FHL2: variants seen among roughly 807,000 people sequenced by gnomAD.
FHL2 encodes the protein four and a half LIM domains 2.
In FHL2, 20 loss-of-function variants were observed where a neutral mutation model predicts 32.7. The ratio of observed to expected loss-of-function variants is 0.61; its 90% CI spans 0.43 to 0.89. FHL2 has a LOEUF of 0.89. FHL2 is among the 40% of genes least tolerant of loss of function. FHL2 has a pLI of 0.00. For synonymous variants in FHL2, 123 were observed against 128.1 expected (o/e 0.96, Z 0.27); for missense variants, 311 against 358.6 (o/e 0.87, Z 1.07).
At chr2:105,358,463 C>G (rs1680099687), downstream of FHL2, 1 of 152,420 alleles carries the variant, frequency 6.6e-6, no homozygotes, top group Non-Finnish European at 1.5e-5. Context: ...GGGGCAAAGC[C>G]CTAGACTGGT....
chr2:105,402,664 G>A (rs985962948), upstream of FHL2, among the ~76,000 whole-genome samples: 1 of 152,024 alleles, frequency 6.6e-6, no homozygotes, highest in Non-Finnish European at 1.5e-5. Flanking sequence ...ATTGAGGAGG[G>A]GAATGCAATT....
chr2:105,422,894 C>A (rs953157924), intron 1 of FHL2, among the ~76,000 whole-genome samples: 2 of 152,178 alleles, frequency 1.3e-5, no homozygotes, highest in Admixed American at 1.3e-4. Context: ...AGACACTGTA[C>A]CTCTCAGATA....
At chr2:105,407,981 A>G (rs1683687863) in intron 1 of FHL2, among the ~76,000 whole-genome samples, 1 of 152,208 alleles carries the variant, frequency 6.6e-6, no homozygotes, top group South Asian at 2.1e-4. Flanking sequence ...TGCTTTAAAA[A>G]ATTTCTGTCT....
At position 105,397,010 on chromosome 2, in the gene FHL2, G is replaced by GTTTTT. The variant is rs35576785; in HGVS notation, c.-75-318_-75-314dup. The GTTTTT allele has an allele frequency of 3.2e-3, 345 of 108,596 alleles. 4 individuals carry two copies. The highest frequency in any genetic ancestry group is 8.1e-3 in the South Asian group (27 of 3,336). 6.7% of individuals were successfully genotyped at this position (108,596 alleles called of 1,614,324 possible). On this transcript the variant is annotated intron_variant, in intron 1 of 6. Coordinates refer to ENST00000530340, the MANE Select transcript of FHL2 (RefSeq NM_001318895.3). Reference sequence around the variant, plus strand: ...GTAAACTACTCCTGATATCTAGTCTGTTTTTTTTTTTTTTTTTTTTTGGCA... The same window carrying GTTTTT: ...GTAAACTACTCCTGATATCTAGTCTGTTTTTTTTTTTTTTTTTTTTTTTTTTGGCA...
downstream of FHL2, chr2:105,358,090 ACTT>A (rs1318664622): frequency 3.3e-5 from 5 of 152,098 alleles, no homozygotes; most frequent in African/African-American, 1.2e-4. Flanking sequence ...TCTGTGTTAA[ACTT>A]CTGGCTGGTC....
At chr2:105,402,018 C>T (rs539663928), upstream of FHL2, among the ~76,000 whole-genome samples, 26 of 148,826 alleles carry the variant, frequency 1.7e-4, no homozygotes, top group South Asian at 4.2e-4. Context: ...TACATATATA[C>T]GTATATATAC....
intron 1 of FHL2, among the ~76,000 whole-genome samples, chr2:105,405,746 T>A (rs1683609728): frequency 6.6e-6 from 1 of 152,190 alleles, no homozygotes. Context: ...ATAGTCTAAC[T>A]AGAAAGAGCC....
At chr2:105,407,747 C>G (rs1178990967) in intron 1 of FHL2, among the ~76,000 whole-genome samples, 1 of 152,100 alleles carries the variant, frequency 6.6e-6, no homozygotes, top group African/African-American at 2.4e-5. Context: ...TCTCAGAGTC[C>G]AGCTTTTCTT....
rs577941306 is a variant in FHL2 at position 105,384,744 on chromosome 2, T to C, written c.156+1617A>G. On this transcript the variant is annotated intron_variant, in intron 3 of 6. Coordinates refer to ENST00000530340, the MANE Select transcript of FHL2 (RefSeq NM_001318895.3). ...GCTGGTCTCGAACTCCCGGCCTCAATTGATTCACCCGCCTTGGCCTCCCAA... is the reference window on the plus strand; with the variant it reads ...GCTGGTCTCGAACTCCCGGCCTCAACTGATTCACCCGCCTTGGCCTCCCAA... Among the ~76,000 whole-genome samples, 7 of 152,332 alleles carry C rather than the reference T, an allele frequency of 4.6e-5. No homozygotes were observed. In the South Asian group the frequency reaches 6.2e-4, roughly 14 times the overall value.
At chr2:105,387,133 G>T (rs1457519440) in intron 2 of FHL2, among the ~76,000 whole-genome samples, 2 of 152,154 alleles carry the variant, frequency 1.3e-5, no homozygotes, top group South Asian at 2.1e-4. Flanking sequence ...AGTTTTAAAT[G>T]CAGGTAAGGG....
intron 4 of FHL2, among the ~76,000 whole-genome samples, chr2:105,371,554 CTCTCTCTCTCT>C (rs1681068252): frequency 7.7e-6 from 1 of 129,598 alleles, no homozygotes; most frequent in Admixed American, 7.5e-5. Context: ...AAATCTCTCT[CTCTCTCTCTCT>C]CTCTCTCTCT....
At chr2:105,364,777 ATAT>A (rs1311118750) in intron 5 of FHL2, among the ~76,000 whole-genome samples, 6 of 152,174 alleles carry the variant, frequency 3.9e-5, no homozygotes, top group Non-Finnish European at 5.9e-5. Context: ...AGTAGGAAAG[ATAT>A]TATCTTAATT....
In FHL2 at chr2:105,363,302, C is replaced by A. The variant is rs727504994; in HGVS notation, c.671G>T (p.Cys224Phe). ...ACACTCACCGCTGATGGGGTTGGTG[C>A]ACCCAGCACACTTCTTGGCATACAA... ...CDLYAKKCAG[C>F]TNPISGLGGT... is the part of the protein sequence containing the mutation. The change falls in exon 6 of 7, where the codon TGC (cysteine) becomes TTC (phenylalanine). Residue 224 changes from cysteine to phenylalanine, a missense_variant. By Grantham distance (205) the Cys-to-Phe change is radical (BLOSUM62 -2). Transcript: ENST00000530340. 2.5e-6 allele frequency: 4 copies of A among 1,614,148 alleles called. No homozygotes were observed.
chr2:105,431,633 T>G (rs1183007472), intron 1 of FHL2, among the ~76,000 whole-genome samples: 1 of 152,222 alleles, frequency 6.6e-6, no homozygotes, highest in African/African-American at 2.4e-5. Context: ...GCCTGGATCA[T>G]GTAGGGCTCT....
intron 5 of FHL2, among the ~76,000 whole-genome samples, chr2:105,363,742 G>A (rs1428380105): frequency 6.6e-6 from 1 of 152,196 alleles, no homozygotes; most frequent in Non-Finnish European, 1.5e-5. Flanking sequence ...CTAAGGCATA[G>A]GGTGCCTCAG....
chr2:105,430,804 T>G (rs964036534), intron 1 of FHL2, among the ~76,000 whole-genome samples: 6 of 152,234 alleles, frequency 3.9e-5, no homozygotes, highest in Non-Finnish European at 8.8e-5. Context: ...GCCCTGTGTC[T>G]GGGAGAAAAG....
chr2:105,363,195 TGAG>T, intron 6 of FHL2, 87 bp downstream of exon 6: 2 of 1,284,550 alleles, frequency 1.6e-6, no homozygotes, highest in Non-Finnish European at 2.2e-6. Flanking sequence ...TCTGGGGAGT[TGAG>T]GGATATAGAC....
At chr2:105,373,335 AAC>A (rs1681228521) in intron 4 of FHL2, among the ~76,000 whole-genome samples, 1 of 152,216 alleles carries the variant, frequency 6.6e-6, no homozygotes, top group Admixed American at 6.5e-5. Context: ...TTGACTGCAT[AAC>A]ACTGCCCCAC....
At chr2:105,399,737 G>T, upstream of FHL2, 2 of 995,932 alleles carry the variant, frequency 2.0e-6, no homozygotes, top group Non-Finnish European at 1.4e-6. Flanking sequence ...GGTAGGGACA[G>T]ATGGCACTGT....
Sources: gnomAD v4.1 joint callset for allele counts (sites outside exome capture counted in the v4.1 genomes callset) on GRCh38, gnomAD v4.1.1 for gene constraint, MANE v1.5 for transcripts, NCBI Gene and HGNC (gene_info 2026-07-23, HGNC 2026-07-21) for gene names.